Variants in RBM20 observed in about 807,000 individuals in gnomAD.
RBM20 encodes RNA-binding protein 20.
Under a neutral mutation model 110.1 loss-of-function variants are expected in RBM20, and 51 were observed. The ratio of observed to expected loss-of-function variants is 0.46; its 90% CI spans 0.37 to 0.59. The LOEUF (loss-of-function observed/expected upper bound fraction) is 0.59, where lower values mean the gene tolerates loss of function less well. RBM20 is among the 20% of genes least tolerant of loss of function. The pLI is 0.00. For synonymous variants in RBM20, 589 were observed against 618.2 expected, an observed-to-expected ratio of 0.95 and a Z score of 0.70; for missense variants, 1,512 against 1,574.9, an observed-to-expected ratio of 0.96 and a Z score of 0.68.
chr10:110,778,013 C>T (rs1844289691), intron 1 of RBM20, among the ~76,000 whole-genome samples: 1 of 152,248 alleles, frequency 6.6e-6, no homozygotes, highest in Non-Finnish European at 1.5e-5. Flanking sequence ...TCATCAGACT[C>T]TTGACCATCC....
At position 110,812,496 on chromosome 10, in the gene RBM20, A is replaced by G. The variant is rs1160304280; in HGVS notation, c.2099A>G (p.Lys700Arg). The stretch of plus-strand genomic sequence containing the variant: ...CCCTGGAGGGACAACGGAGATGACA[A>G]GAGGGACAGGATGGACCCCTGGGCA... ...PAPWRDNGDD[K>R]RDRMDPWAHD... The change falls in exon 9 of 14, where the codon AAG (lysine) becomes AGG (arginine). Residue 700 changes from lysine to arginine, a missense_variant. Physicochemically the swap from Lys to Arg is conservative, Grantham distance 26. Transcript: ENST00000369519. The G allele has an allele frequency of 6.4e-7, 1 of 1,551,588 alleles. No homozygotes were observed. The highest frequency in any genetic ancestry group is 1.4e-5 in the African/African-American group (1 of 73,036).
intron 5 of RBM20, among the ~76,000 whole-genome samples, chr10:110,789,370 G>C (rs1590680691): frequency 6.6e-6 from 1 of 151,940 alleles, no homozygotes; most frequent in Non-Finnish European, 1.5e-5. Context: ...CTGTGTTGGA[G>C]TCTGAGTGTT....
intron 5 of RBM20, among the ~76,000 whole-genome samples, chr10:110,788,883 G>A (rs552032281): frequency 6.6e-6 from 1 of 152,238 alleles, no homozygotes; most frequent in Admixed American, 6.5e-5. Context: ...CCAGTGAGTT[G>A]TTTTTGCATA....
chr10:110,712,721 C>G (rs1198975197), intron 1 of RBM20, among the ~76,000 whole-genome samples: 1 of 152,150 alleles, frequency 6.6e-6, no homozygotes, highest in Non-Finnish European at 1.5e-5. Flanking sequence ...GAGCTGAGAT[C>G]GCACCACTGC....
At position 110,812,296 on chromosome 10, in the gene RBM20, G is replaced by T; in HGVS notation, c.1899G>T (p.Pro633=). Residue 633 remains proline, a synonymous_variant, in exon 9 of 14, where the codon CCG becomes CCT. Transcript: ENST00000369519. ...READRYGPER[P]RSRSPVSRSL... ...CTCACAGATATGGCCCAGAAAGGCC[G>T]CGGTCTCGTAGTCCGGTGAGCCGGT... The T allele has an allele frequency of 6.5e-7, 1 of 1,546,544 alleles. No homozygotes were observed. Among genetic ancestry groups the T allele is most frequent in the South Asian group, 1.2e-5 (1 of 83,896 alleles).
chr10:110,722,488 CA>C (rs1937162403), intron 1 of RBM20, among the ~76,000 whole-genome samples: 1 of 152,176 alleles, frequency 6.6e-6, no homozygotes, highest in Non-Finnish European at 1.5e-5. Context: ...TGGGTTCGAA[CA>C]AATGTGTAAT....
rs935147718 is a variant in RBM20, at chr10:110,644,356, G to A, written c.-99G>A. ...TCCCCGCGCCACCGGGAAGGACAAG[G>A]GGACTGGGCACGGGGACCCCGGCCA... On this transcript the variant is annotated 5_prime_UTR_variant, in exon 1 of 14. Transcript: ENST00000369519. The surrounding 1 kb of genome is among the most constrained non-coding windows in gnomAD (Gnocchi z 4.3). 7 of 971,808 alleles carry A rather than the reference G, an allele frequency of 7.2e-6. No individual in the cohort carries two copies. The highest frequency in any genetic ancestry group is 1.7e-5 in the African/African-American group (1 of 57,906). 60.2% of individuals were successfully genotyped at this position (971,808 alleles called of 1,614,324 possible).
chr10:110,781,985 T>A, intron 2 of RBM20, 101 bp downstream of exon 2: 1 of 1,417,078 alleles, frequency 7.1e-7, no homozygotes, highest in Non-Finnish European at 9.7e-7. Flanking sequence ...ACTGTTGCAT[T>A]GGGGTAACAG....
chr10:110,658,762 C>G (rs1404816018), intron 1 of RBM20, among the ~76,000 whole-genome samples: 1 of 151,964 alleles, frequency 6.6e-6, no homozygotes, highest in Non-Finnish European at 1.5e-5. Flanking sequence ...ATCTGCCCCA[C>G]TCAGCCCTCC....
intron 1 of RBM20, among the ~76,000 whole-genome samples, chr10:110,678,963 C>T (rs1329647050): frequency 6.6e-6 from 1 of 152,152 alleles, no homozygotes; most frequent in African/African-American, 2.4e-5. Flanking sequence ...TAAAGAGGCT[C>T]TGCAGTGGTT....
intron 6 of RBM20, 74 bp from the exon 7 acceptor site, chr10:110,799,713 A>G: frequency 7.0e-7 from 1 of 1,438,502 alleles, no homozygotes; most frequent in South Asian, 1.4e-5. Context: ...TAGACGTGGA[A>G]TCATGCCTTG....
chr10:110,760,536 G>T (rs1208554227), intron 1 of RBM20, among the ~76,000 whole-genome samples: 2 of 134,560 alleles, frequency 1.5e-5, no homozygotes, highest in East Asian at 4.8e-4. Context: ...TGCCTCCTGG[G>T]TTCAAGCAAT....
chr10:110,799,550 A>G (rs1477518282), intron 6 of RBM20, among the ~76,000 whole-genome samples: 2 of 152,224 alleles, frequency 1.3e-5, no homozygotes, highest in African/African-American at 4.8e-5. Flanking sequence ...GTGTACACCC[A>G]TATAATTAAC....
intron 1 of RBM20, among the ~76,000 whole-genome samples, chr10:110,667,588 C>A (rs1202606907): frequency 6.6e-6 from 1 of 152,150 alleles, no homozygotes; most frequent in East Asian, 1.9e-4. Context: ...GAAGCAAGCA[C>A]CACATTTTCT....
At position 110,739,971 on chromosome 10, in the gene RBM20, C is replaced by G. The variant is rs1329077694; in HGVS notation, c.192-40830C>G. Among the ~76,000 whole-genome samples the G allele has an allele frequency of 6.6e-6, 1 of 152,348 alleles. No homozygotes were observed. Among genetic ancestry groups the G allele is most frequent in the East Asian group, 1.9e-4 (1 of 5,184 alleles). On this transcript the variant is annotated intron_variant, in intron 1 of 13. Coordinates refer to ENST00000369519, the MANE Select transcript of RBM20 (RefSeq NM_001134363.3). The surrounding 1 kb of genome is among the most constrained non-coding windows in gnomAD (Gnocchi z 4.1). Reference sequence around the variant, plus strand: ...CTATACTGTCTCCCTCTCCCTCCTTCTCCAAGTGCCCAGACCTGCTCCAGC... The same window carrying G: ...CTATACTGTCTCCCTCTCCCTCCTTGTCCAAGTGCCCAGACCTGCTCCAGC...
chr10:110,782,563 T>C (rs1261969029), intron 2 of RBM20, among the ~76,000 whole-genome samples: 1 of 152,212 alleles, frequency 6.6e-6, no homozygotes, highest in Non-Finnish European at 1.5e-5. Context: ...CAGTAACTCT[T>C]ATGAGGTAGA....
intron 1 of RBM20, among the ~76,000 whole-genome samples, chr10:110,681,544 G>T (rs535586575): frequency 6.6e-6 from 1 of 152,338 alleles, no homozygotes; most frequent in South Asian, 2.1e-4. Context: ...TTTAAGCCCT[G>T]TAAAGACACC....
At position 110,812,610 on chromosome 10, in the gene RBM20, C is replaced by T. The variant is rs397516601; in HGVS notation, c.2213C>T (p.Pro738Leu). ...EGGRPHREKY[P>L]RSGSPNLPHS... ...GGGAGGCCCCACCGGGAGAAGTACCCGAGATCTGGGTCTCCCAACCTGCCC... is the reference window on the plus strand; with the variant it reads ...GGGAGGCCCCACCGGGAGAAGTACCTGAGATCTGGGTCTCCCAACCTGCCC... The change falls in exon 9 of 14, where the codon CCG (proline) becomes CTG (leucine). Residue 738 changes from proline (P) to leucine (L), a missense_variant. This residue lies in a region of RBM20 where 1,149 missense variants were observed against 1,169.4 expected (regional missense o/e 0.98). Coordinates refer to ENST00000369519, the MANE Select transcript of RBM20 (RefSeq NM_001134363.3). 375 of 1,551,624 alleles carry T rather than the reference C, an allele frequency of 2.4e-4. 3 individuals carry two copies. In the South Asian group the frequency reaches 4.1e-3, roughly 17 times the overall value.
chr10:110,808,690 C>G (rs1377609145), intron 7 of RBM20, among the ~76,000 whole-genome samples: 2 of 152,152 alleles, frequency 1.3e-5, no homozygotes, highest in African/African-American at 4.8e-5. Context: ...TTTTATATCT[C>G]TTTTCTGTGT....
Sources: allele counts gnomAD v4.1 joint callset (sites outside exome capture counted in the v4.1 genomes callset), GRCh38; gene constraint gnomAD v4.1.1; regional missense constraint gnomAD v4.1.1; non-coding constraint Gnocchi (gnomAD v3.1); transcripts MANE v1.5; gene names NCBI Gene and HGNC (gene_info 2026-07-23, HGNC 2026-07-21).